Variants in RBFOX1 observed in about 807,000 individuals in gnomAD.
RBFOX1 encodes the protein RNA binding protein fox-1 homolog 1.
Under a neutral mutation model 57.7 loss-of-function variants are expected in RBFOX1, and 8 were observed. That is an observed-to-expected ratio of 0.14 (90% CI 0.08 to 0.25). The LOEUF (loss-of-function observed/expected upper bound fraction) is 0.25, where lower values mean the gene tolerates loss of function less well. RBFOX1 is among the 10% of genes least tolerant of loss of function. RBFOX1 has a pLI of 1.00. For missense variants in RBFOX1, 611 were observed against 548.5 expected (o/e 1.11, Z -1.14); for synonymous variants, 326 against 222.4 (o/e 1.47, Z -4.15).
intron 3 of RBFOX1, among the ~76,000 whole-genome samples, chr16:6,843,245 C>T (rs1399237218): frequency 6.6e-6 from 1 of 151,846 alleles, no homozygotes; most frequent in African/African-American, 2.4e-5. Flanking sequence ...GAACCTTTTG[C>T]AAAGTTGGAC....
intron 3 of RBFOX1, among the ~76,000 whole-genome samples, chr16:5,765,708 T>G (rs1442251572): frequency 1.3e-5 from 2 of 152,188 alleles, no homozygotes; most frequent in Non-Finnish European, 2.9e-5. Context: ...AAAGGACGCC[T>G]TGTGTTTTCA....
chr16:5,969,755 A>C (rs2059926740), intron 4 of RBFOX1, among the ~76,000 whole-genome samples: 1 of 151,778 alleles, frequency 6.6e-6, no homozygotes, highest in South Asian at 2.1e-4. Flanking sequence ...GCTGTCTGCG[A>C]TGTCTGTCCC....
At chr16:6,794,447 A>G (rs950081990) in intron 3 of RBFOX1, among the ~76,000 whole-genome samples, 2 of 152,162 alleles carry the variant, frequency 1.3e-5, no homozygotes, top group African/African-American at 4.8e-5. Flanking sequence ...TTCAGGATGC[A>G]GGGGGAGGGA....
At chr16:6,972,853 G>A (rs1391358865) in intron 3 of RBFOX1, among the ~76,000 whole-genome samples, 4 of 152,202 alleles carry the variant, frequency 2.6e-5, no homozygotes, top group East Asian at 3.9e-4. Context: ...GCCGGATGCA[G>A]TGGTTCATGC....
Position 7,619,219 on chromosome 16 carries a change from GA to G in RBFOX1, c.677-11374del, listed in dbSNP as rs562160507. Among the ~76,000 whole-genome samples the G allele has an allele frequency of 3.2e-3, 475 of 149,544 alleles. 4 individuals carry two copies. Among genetic ancestry groups the G allele is most frequent in the South Asian group, 0.014 (68 of 4,740 alleles). ...CAATATCACTGATATTTCCTCTGGAGAAAAAAAAAACTATTTGTATGATTCT... is the reference window on the plus strand; with the variant it reads ...CAATATCACTGATATTTCCTCTGGAGAAAAAAAAACTATTTGTATGATTCT... On this transcript the variant is annotated intron_variant, in intron 10 of 15. Coordinates refer to ENST00000550418, the MANE Select transcript of RBFOX1 (RefSeq NM_018723.4).
chr16:6,497,928 AT>A (rs1176429160), intron 2 of RBFOX1, among the ~76,000 whole-genome samples: 18 of 152,200 alleles, frequency 1.2e-4, no homozygotes, highest in Admixed American at 1.0e-3. Flanking sequence ...TTATAAATAA[AT>A]TAATCACTGT....
intron 3 of RBFOX1, among the ~76,000 whole-genome samples, chr16:6,960,684 C>T (rs997328345): frequency 6.6e-6 from 1 of 152,048 alleles, no homozygotes; most frequent in Non-Finnish European, 1.5e-5. Flanking sequence ...GGACCAGCAT[C>T]TCCTGTCTCT....
intron 4 of RBFOX1, among the ~76,000 whole-genome samples, chr16:7,234,091 G>T (rs757017616): frequency 1.3e-5 from 2 of 152,134 alleles, no homozygotes; most frequent in African/African-American, 2.4e-5. Context: ...AAGAATGCTT[G>T]GTCAATTTTC....
chr16:7,042,491 C>G (rs2046505354), intron 3 of RBFOX1, among the ~76,000 whole-genome samples: 1 of 152,168 alleles, frequency 6.6e-6, no homozygotes, highest in Non-Finnish European at 1.5e-5. Flanking sequence ...ATCAAATCAG[C>G]TAATGAAATC....
chr16:6,725,042 CT>C (rs1186629170), intron 3 of RBFOX1, among the ~76,000 whole-genome samples: 19 of 49,840 alleles, frequency 3.8e-4, no homozygotes, highest in African/African-American at 9.2e-4. Context: ...TTTTGGCTAG[CT>C]TTTTTTTTTT....
intron 1 of RBFOX1, among the ~76,000 whole-genome samples, chr16:5,342,087 G>C (rs531900869): frequency 2.6e-5 from 4 of 152,204 alleles, no homozygotes; most frequent in Non-Finnish European, 5.9e-5. Context: ...TTTTATTTCA[G>C]AGTTTGCGGC....
intron 4 of RBFOX1, among the ~76,000 whole-genome samples, chr16:7,468,216 G>A (rs958347291): frequency 6.6e-6 from 1 of 152,186 alleles, no homozygotes; most frequent in Non-Finnish European, 1.5e-5. Flanking sequence ...AGGAGACAAT[G>A]AGCAAGCTCC....
At chr16:6,613,038 TGTGTGA>T (rs1226460065) in intron 2 of RBFOX1, among the ~76,000 whole-genome samples, 34 of 98,406 alleles carry the variant, frequency 3.5e-4, no homozygotes, top group African/African-American at 1.0e-3. Context: ...TGTGTGTGTG[TGTGTGA>T]GTGTGTGTGT....
chr16:5,422,425 G>A (rs1221318342), intron 1 of RBFOX1, among the ~76,000 whole-genome samples: 2 of 138,206 alleles, frequency 1.4e-5, no homozygotes, highest in Non-Finnish European at 3.1e-5. Context: ...GAAGGAGGAG[G>A]GAGAGGGAGT....
chr16:7,497,591 A>G (rs1179388085), intron 4 of RBFOX1, among the ~76,000 whole-genome samples: 2 of 152,212 alleles, frequency 1.3e-5, no homozygotes, highest in Non-Finnish European at 2.9e-5. Context: ...ATGCAAAAAC[A>G]AATGCTTATT....
chr16:6,620,824 C>A (rs571423680), intron 2 of RBFOX1, among the ~76,000 whole-genome samples: 3 of 152,202 alleles, frequency 2.0e-5, no homozygotes, highest in South Asian at 2.1e-4. Flanking sequence ...GTTTTACTTT[C>A]AAGCACGTTC....
chr16:7,097,853 G>A (rs987528907), intron 4 of RBFOX1, among the ~76,000 whole-genome samples: 2 of 152,206 alleles, frequency 1.3e-5, no homozygotes, highest in African/African-American at 4.8e-5. Flanking sequence ...TGCTGAGTTA[G>A]GGAGAAGGGG....
At chr16:7,575,819 G>A (rs753425539) in intron 5 of RBFOX1, among the ~76,000 whole-genome samples, 4 of 152,162 alleles carry the variant, frequency 2.6e-5, no homozygotes, top group Non-Finnish European at 5.9e-5. Flanking sequence ...CTCAGTGGAG[G>A]GCTTTGTGAT....
At chr16:7,405,677 T>A (rs12597457) in intron 4 of RBFOX1, among the ~76,000 whole-genome samples, 1 of 152,040 alleles carries the variant, frequency 6.6e-6, no homozygotes, top group Non-Finnish European at 1.5e-5. Flanking sequence ...AGGCTGCAAC[T>A]CAGGTCCCAG....
Sources: allele counts gnomAD v4.1 joint callset (sites outside exome capture counted in the v4.1 genomes callset), GRCh38; gene constraint gnomAD v4.1.1; transcripts MANE v1.5; gene names NCBI Gene and HGNC (gene_info 2026-07-23, HGNC 2026-07-21).